The following ALK variants were observed in gnomAD, a reference collection of about 807,000 sequenced individuals.
ALK encodes the protein ALK receptor tyrosine kinase, also known as ALK tyrosine kinase receptor.
Under a neutral mutation model 163.1 loss-of-function variants are expected in ALK, and 74 were observed. The observed-to-expected ratio is 0.45, with a 90% CI of 0.38 to 0.55. The LOEUF (loss-of-function observed/expected upper bound fraction) is 0.55, where lower values mean the gene tolerates loss of function less well. Ranked by LOEUF, ALK falls within the 20% of genes least tolerant of loss-of-function variation. The pLI, the probability that ALK is intolerant of heterozygous loss-of-function variation, is 0.00. For missense variants in ALK, 2,063 were observed against 2,105.3 expected (o/e 0.98, Z 0.39); for synonymous variants, 960 against 843.2 (o/e 1.14, Z -2.40).
At chr2:29,839,856 T>A (rs1558512843) in intron 1 of ALK, among the ~76,000 whole-genome samples, 2 of 152,158 alleles carry the variant, frequency 1.3e-5, no homozygotes, top group African/African-American at 4.8e-5. Context: ...ATGATAATGA[T>A]ATAATAATAA....
At position 29,485,047 on chromosome 2, in the gene ALK, G is replaced by T. The variant is rs1671747807; in HGVS notation, c.1154+46868C>A. On this transcript the variant is annotated intron_variant, in intron 4 of 28. Transcript: ENST00000389048. ...CTTAATCCTGCTGCCTAGTTGGAGTGAACCTTTTATCTAAATAATTCTGCC... is the reference window on the plus strand; with the variant it reads ...CTTAATCCTGCTGCCTAGTTGGAGTTAACCTTTTATCTAAATAATTCTGCC... Among the ~76,000 whole-genome samples the T allele has an allele frequency of 1.3e-5, 2 of 152,080 alleles. 1 individual carries two copies. Among genetic ancestry groups the T allele is most frequent in the South Asian group, 4.1e-4 (2 of 4,820 alleles).
At chr2:29,490,616 GACA>G (rs1202678850) in intron 4 of ALK, among the ~76,000 whole-genome samples, 3 of 152,144 alleles carry the variant, frequency 2.0e-5, no homozygotes, top group Non-Finnish European at 4.4e-5. Context: ...CACTGTGTTC[GACA>G]ACATCTAAAT....
chr2:29,375,464 G>T (rs1421373814), intron 5 of ALK, among the ~76,000 whole-genome samples: 1 of 151,940 alleles, frequency 6.6e-6, no homozygotes, highest in African/African-American at 2.4e-5. Context: ...GACTACAGGC[G>T]CCCACCACCA....
At chr2:29,496,123 A>T (rs1054653796) in intron 4 of ALK, among the ~76,000 whole-genome samples, 1 of 152,228 alleles carries the variant, frequency 6.6e-6, no homozygotes, top group Non-Finnish European at 1.5e-5. Context: ...GAAATAACTT[A>T]TCTGAGGTAT....
At chr2:29,315,484 G>C (rs1666807185) in intron 8 of ALK, among the ~76,000 whole-genome samples, 1 of 152,110 alleles carries the variant, frequency 6.6e-6, no homozygotes, top group South Asian at 2.1e-4. Context: ...CCACAGACAG[G>C]AGGAAAACTC....
chr2:29,370,035 C>T lies in ALK; in HGVS notation c.1282+13697G>A, dbSNP rs368132122. On this transcript the variant is annotated intron_variant, in intron 5 of 28. Transcript: ENST00000389048. ...TTGGGGAGAGAGAGTGTGCAGGGAG[C>T]GAGCATGAGTTTGTGTCCGTGCACT... Among the ~76,000 whole-genome samples the T allele has an allele frequency of 2.6e-5, 4 of 152,098 alleles. No homozygotes were observed. In the East Asian group the frequency reaches 5.8e-4, roughly 22 times the overall value.
chr2:29,196,342 T>C (rs980177183), intron 28 of ALK, among the ~76,000 whole-genome samples: 5 of 152,248 alleles, frequency 3.3e-5, no homozygotes, highest in African/African-American at 4.8e-5. Flanking sequence ...TCCTGACATA[T>C]ATAGTTGGAC....
At chr2:29,866,490 G>T (rs1666436702) in intron 1 of ALK, among the ~76,000 whole-genome samples, 1 of 152,164 alleles carries the variant, frequency 6.6e-6, no homozygotes, top group Non-Finnish European at 1.5e-5. Context: ...GAGCTGGCGG[G>T]TTTAGCGGAC....
Position 29,225,496 on chromosome 2 carries a change from G to A in ALK, c.3137C>T (p.Ala1046Val), listed in dbSNP as rs1219554154. 1 of 1,613,412 alleles carries A rather than the reference G, an allele frequency of 6.2e-7. No homozygotes were observed. The highest frequency in any genetic ancestry group is 8.5e-7 in the Non-Finnish European group (1 of 1,179,944). The change falls in exon 19 of 29, where the codon GCC (alanine) becomes GTC (valine). Residue 1046 changes from alanine to valine, a missense_variant. This residue lies in a region of ALK where 575 missense variants were observed against 626.6 expected (regional missense o/e 0.92). Transcript: ENST00000389048. ...ILSVVTSALVAALVLAFSGIM... is the reference protein window; with the variant it reads ...ILSVVTSALVVALVLAFSGIM... Reference sequence around the variant, plus strand: ...GCCGGAGAAAGCCAGGACCAGGGCGGCCACGAGGGCAGAGGTCACCACAGA... The same window carrying A: ...GCCGGAGAAAGCCAGGACCAGGGCGACCACGAGGGCAGAGGTCACCACAGA...
intron 3 of ALK, among the ~76,000 whole-genome samples, chr2:29,560,172 C>G (rs573147136): frequency 6.6e-6 from 1 of 152,018 alleles, no homozygotes; most frequent in Non-Finnish European, 1.5e-5. Context: ...TTTATCAGTA[C>G]GTAATAGCCA....
chr2:29,222,234 A>G (rs1669821974), intron 22 of ALK, 110 bp downstream of exon 22: 1 of 971,246 alleles, frequency 1.0e-6, no homozygotes, highest in Non-Finnish European at 1.6e-6. Context: ...AAAAGGGGAC[A>G]TGCTAGGGAC....
rs1010061123 is a variant in ALK at position 29,921,552 on chromosome 2, A to T, written c.-893T>A. ...GCGGCGGGAGGTACCAGCTGCTACC[A>T]CCGCTGCCGCCCCCAGAGCCGCTGG... On this transcript the variant is annotated 5_prime_UTR_variant, in exon 1 of 29. Coordinates refer to ENST00000389048, the MANE Select transcript of ALK (RefSeq NM_004304.5). 4.3e-6 allele frequency: 1 copy of T among 231,320 alleles called. No homozygotes were observed. Among genetic ancestry groups the T allele is most frequent in the Admixed American group, 5.6e-5 (1 of 17,700 alleles). The allele number at this position is 231,320 out of a possible 1,614,324, so 14.3% of individuals were successfully genotyped here. A position where few individuals can be genotyped will look rare whatever the true frequency, so the allele number is the denominator to read the frequency against.
At chr2:29,230,366 G>C (rs1421762661) in intron 15 of ALK, among the ~76,000 whole-genome samples, 1 of 151,760 alleles carries the variant, frequency 6.6e-6, no homozygotes, top group Non-Finnish European at 1.5e-5. Flanking sequence ...ATAGGAAAGG[G>C]TGGAGGTATT....
intron 4 of ALK, among the ~76,000 whole-genome samples, chr2:29,507,582 G>A (rs1486699288): frequency 6.6e-6 from 1 of 152,162 alleles, no homozygotes; most frequent in Non-Finnish European, 1.5e-5. Context: ...AAACTAAGAG[G>A]CAGAAATGAC....
At chr2:29,908,296 A>G (rs1447770573) in intron 1 of ALK, among the ~76,000 whole-genome samples, 3 of 151,782 alleles carry the variant, frequency 2.0e-5, no homozygotes, top group Non-Finnish European at 4.4e-5. Flanking sequence ...ACACACACAC[A>G]CACACACACA....
chr2:29,449,465 A>G (rs1254571549), intron 4 of ALK, among the ~76,000 whole-genome samples: 3 of 152,108 alleles, frequency 2.0e-5, no homozygotes, highest in Non-Finnish European at 4.4e-5. Context: ...TCACTAGGAG[A>G]CTTGCATGTT....
chr2:29,450,416 G>A (rs958129217), intron 4 of ALK, among the ~76,000 whole-genome samples: 1 of 152,150 alleles, frequency 6.6e-6, no homozygotes, highest in African/African-American at 2.4e-5. Context: ...CAGGGCACAG[G>A]GCTGAGCCCT....
chr2:29,850,320 G>A (rs1055809456), intron 1 of ALK, among the ~76,000 whole-genome samples: 4 of 152,236 alleles, frequency 2.6e-5, no homozygotes, highest in African/African-American at 9.6e-5. Context: ...AGAGGCGGGG[G>A]CACTTCCGGG....
rs550044089 is a variant in ALK at position 29,577,979 on chromosome 2, C to T, written c.953-45863G>A. Among the ~76,000 whole-genome samples, 729 of 152,254 alleles carry T rather than the reference C, an allele frequency of 4.8e-3. 9 individuals are homozygous for T. The highest frequency in any genetic ancestry group is 0.017 in the African/African-American group (688 of 41,542). ...TGGCACCCCCTAGTTGCATTGGGCT[C>T]TTTCCTCTAGGTAAAGAGGAAGAAG... is the stretch of plus-strand genomic sequence containing the variant. On this transcript the variant is annotated intron_variant, in intron 3 of 28. Transcript: ENST00000389048.
Sources: allele counts gnomAD v4.1 joint callset (sites outside exome capture counted in the v4.1 genomes callset), GRCh38; gene constraint gnomAD v4.1.1; regional missense constraint gnomAD v4.1.1; transcripts MANE v1.5; gene names NCBI Gene and HGNC (gene_info 2026-07-23, HGNC 2026-07-21).